The following RHOU variants were observed in gnomAD, a reference collection of about 807,000 sequenced individuals.
RHOU encodes rho-related GTP-binding protein RhoU.
RHOU carries 8 observed loss-of-function variants against 12.6 expected under a neutral mutation model. The observed-to-expected ratio is 0.64, with a 90% CI of 0.37 to 1.15. The LOEUF is 1.15. Ranked by LOEUF, RHOU falls within the 50% of genes most tolerant of loss-of-function variation. The probability of loss-of-function intolerance (pLI) is 0.01; values close to 1 mark genes in which losing one functional copy is unlikely to be tolerated. For synonymous variants in RHOU, 161 were observed against 147.4 expected, an observed-to-expected ratio of 1.09 and a Z score of -0.67; for missense variants, 258 against 347.0, an observed-to-expected ratio of 0.74 and a Z score of 2.04.
chr1:228,687,873 C>A, the RHOU span: 1 of 933,358 alleles, frequency 1.1e-6, no homozygotes, highest in South Asian at 1.3e-5. Flanking sequence ...CTTCCCTGGT[C>A]ACCAAGAGTT....
At chr1:228,694,055 T>C in the RHOU span, among the ~76,000 whole-genome samples, 1 of 152,220 alleles carries the variant, frequency 6.6e-6, no homozygotes, top group Non-Finnish European at 1.5e-5. Flanking sequence ...GTGTTTTTTT[T>C]CCATCACTCC....
chr1:228,707,117 TATATATATAC>T, the RHOU span, among the ~76,000 whole-genome samples: 1,403 of 92,248 alleles, frequency 0.015, 61 homozygotes, highest in African/African-American at 0.1. Context: ...TATATATATA[TATATATATAC>T]ATATATATAT....
chr1:228,693,684 T>C, the RHOU span, among the ~76,000 whole-genome samples: 2 of 152,094 alleles, frequency 1.3e-5, no homozygotes, highest in South Asian at 2.1e-4. Flanking sequence ...GCCAGGCTGG[T>C]CTCCAACTCC....
chr1:228,674,819 C>G, the RHOU span, among the ~76,000 whole-genome samples: 1 of 152,124 alleles, frequency 6.6e-6, no homozygotes, highest in Non-Finnish European at 1.5e-5. Flanking sequence ...CAAGCTCCGC[C>G]TCTCGGGTTC....
the RHOU span, among the ~76,000 whole-genome samples, chr1:228,646,606 G>T: frequency 7.6e-6 from 1 of 131,458 alleles, no homozygotes; most frequent in Non-Finnish European, 1.6e-5. Context: ...GAGGGCGTGG[G>T]GTGTAGCGGG....
At chr1:228,654,330 C>G in the RHOU span, among the ~76,000 whole-genome samples, 1 of 152,124 alleles carries the variant, frequency 6.6e-6, no homozygotes, top group African/African-American at 2.4e-5. Flanking sequence ...TGGTCTCAAA[C>G]TTCTGACTTC....
the RHOU span, among the ~76,000 whole-genome samples, chr1:228,680,436 G>T: frequency 6.6e-6 from 1 of 152,164 alleles, no homozygotes; most frequent in African/African-American, 2.4e-5. Flanking sequence ...AGGAGCCTCT[G>T]GGAGCTGTGG....
chr1:228,728,551 G>A, the RHOU span, among the ~76,000 whole-genome samples: 1 of 152,150 alleles, frequency 6.6e-6, no homozygotes, highest in Non-Finnish European at 1.5e-5. Context: ...TTTTATTAGA[G>A]TGTTATTTAA....
Position 228,743,555 on chromosome 1 carries a change from G to A in RHOU, c.592G>A (p.Ala198Thr), listed in dbSNP as rs148917522. ...GCTGTGCGCCGAGGAAATCAAAGCC[G>A]CCTCCTACATCGAGTGTTCAGCCTT... The part of the protein sequence containing the change: ...AKLCAEEIKA[A>T]SYIECSALTQ... The change falls in exon 3 of 3, where the codon GCC (alanine) becomes ACC (threonine). Residue 198 changes from alanine to threonine, a missense_variant. Physicochemically the swap from Ala to Thr is moderately conservative, Grantham distance 58. Transcript: ENST00000366691. The surrounding 1 kb of genome is among the most constrained non-coding windows in gnomAD (Gnocchi z 5.1). 3.7e-5 allele frequency: 60 copies of A among 1,614,062 alleles called. No individual in the cohort carries two copies. In the South Asian group the frequency reaches 5.3e-4, roughly 14 times the overall value.
Position 228,743,406 on chromosome 1 carries a change from G to A in RHOU, c.443G>A (p.Arg148Gln), listed in dbSNP as rs771891221. The change falls in exon 3 of 3, where the codon CGA (arginine) becomes CAA (glutamine). Residue 148 changes from arginine (R) to glutamine (Q), a missense_variant. Arg to Gln is a conservative substitution (Grantham distance 43). Transcript: ENST00000366691. This position sits in a 1 kb window ranked among gnomAD's most constrained non-coding sequence, Gnocchi z 5.1. ...NVSEKWVPEIRCHCPKAPIIL... is the reference protein window; with the variant it reads ...NVSEKWVPEIQCHCPKAPIIL... Reference sequence around the variant, plus strand: ...AGTGAGAAATGGGTGCCGGAGATTCGATGCCACTGTCCCAAAGCCCCCATC... The same window carrying A: ...AGTGAGAAATGGGTGCCGGAGATTCAATGCCACTGTCCCAAAGCCCCCATC... 7.4e-6 allele frequency: 12 copies of A among 1,613,980 alleles called. No homozygotes were observed. The highest frequency in any genetic ancestry group is 1.6e-4 in the Middle Eastern group (1 of 6,084).
chr1:228,657,241 C>T, the RHOU span, among the ~76,000 whole-genome samples: 3 of 129,502 alleles, frequency 2.3e-5, no homozygotes, highest in Non-Finnish European at 4.6e-5. Context: ...CACACCATTG[C>T]ACTCCAGCCT....
At chr1:228,653,994 T>G in the RHOU span, among the ~76,000 whole-genome samples, 1 of 152,252 alleles carries the variant, frequency 6.6e-6, no homozygotes, top group East Asian at 1.9e-4. Context: ...TGAGTTTTTA[T>G]TATTTGCCTG....
the RHOU span, among the ~76,000 whole-genome samples, chr1:228,668,249 A>G: frequency 6.6e-6 from 1 of 152,248 alleles, no homozygotes; most frequent in Non-Finnish European, 1.5e-5. Context: ...ATACCTTTGC[A>G]CATGGCTGTT....
chr1:228,671,058 G>A, the RHOU span, among the ~76,000 whole-genome samples: 6 of 152,158 alleles, frequency 3.9e-5, no homozygotes, highest in African/African-American at 1.4e-4. Context: ...AGGCTGGAGT[G>A]CAGTGGCGTG....
At chr1:228,707,464 A>G in the RHOU span, among the ~76,000 whole-genome samples, 1 of 151,320 alleles carries the variant, frequency 6.6e-6, no homozygotes, top group South Asian at 2.1e-4. Context: ...GAGATCTGAG[A>G]ACGGGCAGAC....
chr1:228,718,367 C>A, the RHOU span, among the ~76,000 whole-genome samples: 1 of 152,104 alleles, frequency 6.6e-6, no homozygotes, highest in Non-Finnish European at 1.5e-5. Flanking sequence ...CTATTGCCAC[C>A]TAAAAAATTA....
chr1:228,717,310 T>C, the RHOU span, among the ~76,000 whole-genome samples: 1 of 152,190 alleles, frequency 6.6e-6, no homozygotes. Flanking sequence ...TACCAAGAAG[T>C]ACAAAGCATT....
At chr1:228,681,161 G>A in the RHOU span, among the ~76,000 whole-genome samples, 17 of 152,182 alleles carry the variant, frequency 1.1e-4, no homozygotes, top group Non-Finnish European at 1.0e-4. Context: ...TTTGGGAAAC[G>A]TTTGGTAGAG....
At chr1:228,729,699 T>G in the RHOU span, among the ~76,000 whole-genome samples, 2 of 152,252 alleles carry the variant, frequency 1.3e-5, no homozygotes, top group Non-Finnish European at 2.9e-5. Flanking sequence ...TTGAGTTCAC[T>G]TATTATTGCA....
Sources: allele counts gnomAD v4.1 joint callset (sites outside exome capture counted in the v4.1 genomes callset), GRCh38; gene constraint gnomAD v4.1.1; non-coding constraint Gnocchi (gnomAD v3.1); transcripts MANE v1.5; gene names NCBI Gene and HGNC (gene_info 2026-07-23, HGNC 2026-07-21).